Variants in ARHGAP42 observed in about 807,000 individuals in gnomAD.
ARHGAP42 encodes Rho GTPase activating protein 42, also known as rho GTPase-activating protein 42.
ARHGAP42 carries 63 observed loss-of-function variants against 125.0 expected under a neutral mutation model. The ratio of observed to expected loss-of-function variants is 0.50; its 90% CI spans 0.41 to 0.62. The LOEUF is 0.62. ARHGAP42 is among the 20% of genes least tolerant of loss of function. The pLI, the probability that ARHGAP42 is intolerant of heterozygous loss-of-function variation, is 0.00. For missense variants in ARHGAP42, 766 were observed against 1,024.2 expected (o/e 0.75, Z 3.44); for synonymous variants, 339 against 351.0 (o/e 0.97, Z 0.38).
At chr11:100,939,595 A>G (rs888679060) in intron 8 of ARHGAP42, among the ~76,000 whole-genome samples, 6 of 152,286 alleles carry the variant, frequency 3.9e-5, no homozygotes, top group Non-Finnish European at 5.9e-5. Context: ...GTATTCGATG[A>G]ATGTTAATTC....
At chr11:100,932,431 AACGTTCCAT>A (rs1228814535) in intron 6 of ARHGAP42, among the ~76,000 whole-genome samples, 6 of 152,136 alleles carry the variant, frequency 3.9e-5, no homozygotes, top group African/African-American at 1.4e-4. Context: ...TTTCCAATAT[AACGTTCCAT>A]ATAACCTGTG....
At chr11:100,847,527 G>A (rs1053870385) in intron 3 of ARHGAP42, among the ~76,000 whole-genome samples, 7 of 152,168 alleles carry the variant, frequency 4.6e-5, no homozygotes, top group Non-Finnish European at 1.0e-4. Context: ...ACGCTGGGGA[G>A]TGAAATACTG....
chr11:100,850,744 C>G (rs530140521), intron 3 of ARHGAP42, among the ~76,000 whole-genome samples: 95 of 152,144 alleles, frequency 6.2e-4, no homozygotes, highest in Middle Eastern at 3.4e-3. Flanking sequence ...CTTCTTTATA[C>G]TTAAACTTAA....
chr11:100,751,277 GTGT>G (rs1473849993), intron 1 of ARHGAP42, among the ~76,000 whole-genome samples: 35 of 121,670 alleles, frequency 2.9e-4, no homozygotes, highest in East Asian at 6.9e-4. Flanking sequence ...GTGTGTGTGT[GTGT>G]TTTTTTTTTT....
intron 18 of ARHGAP42, 46 bp from the exon 19 acceptor site, chr11:100,974,413 C>T (rs1220278687): frequency 1.3e-6 from 2 of 1,521,556 alleles, no homozygotes; most frequent in East Asian, 2.5e-5. Flanking sequence ...ATGAAAGTGG[C>T]AATATCACCC....
At chr11:100,763,519 G>C (rs893193813) in intron 1 of ARHGAP42, among the ~76,000 whole-genome samples, 1 of 152,096 alleles carries the variant, frequency 6.6e-6, no homozygotes, top group African/African-American at 2.4e-5. Context: ...ACAGAGTCTT[G>C]CTGTGTCTCC....
intron 6 of ARHGAP42, among the ~76,000 whole-genome samples, chr11:100,931,735 C>G (rs768588329): frequency 1.3e-5 from 2 of 152,136 alleles, no homozygotes; most frequent in Non-Finnish European, 2.9e-5. Context: ...TTTCTTTTCT[C>G]TCTGAAAGGC....
At chr11:100,779,602 GTACT>G (rs1389305819) in intron 2 of ARHGAP42, among the ~76,000 whole-genome samples, 5 of 81,134 alleles carry the variant, frequency 6.2e-5, no homozygotes, top group South Asian at 6.5e-4. Context: ...GTATATATAT[GTACT>G]TACTTGAATA....
At chr11:100,954,031 C>CCT (rs1251647714) in intron 12 of ARHGAP42, among the ~76,000 whole-genome samples, 1 of 86,308 alleles carries the variant, frequency 1.2e-5, no homozygotes, top group African/African-American at 4.3e-5. Flanking sequence ...TTATGACATA[C>CCT]CTTTCCTGCC....
At chr11:100,818,258 C>G (rs1203056472) in intron 3 of ARHGAP42, among the ~76,000 whole-genome samples, 4 of 151,834 alleles carry the variant, frequency 2.6e-5, no homozygotes, top group Non-Finnish European at 5.9e-5. Flanking sequence ...ATTATTCACC[C>G]ATTATCCTTA....
chr11:100,805,063 G>T (rs950789158), intron 3 of ARHGAP42, among the ~76,000 whole-genome samples: 3 of 152,206 alleles, frequency 2.0e-5, no homozygotes, highest in Admixed American at 6.5e-5. Context: ...TGCTGCAGTT[G>T]CTTCATGTGT....
chr11:100,859,499 ATGT>A, intron 3 of ARHGAP42, 52 bp from the exon 4 acceptor site: 1 of 1,436,744 alleles, frequency 7.0e-7, no homozygotes. Flanking sequence ...CATTTTTTCA[ATGT>A]TGTTGGCATG....
intron 6 of ARHGAP42, among the ~76,000 whole-genome samples, chr11:100,924,378 A>G (rs1173728040): frequency 2.6e-5 from 4 of 152,056 alleles, no homozygotes; most frequent in Non-Finnish European, 5.9e-5. Flanking sequence ...TTAAGAATAA[A>G]TATTCTGGCT....
chr11:100,756,757 C>T (rs1372099794), intron 1 of ARHGAP42, among the ~76,000 whole-genome samples: 1 of 152,150 alleles, frequency 6.6e-6, no homozygotes, highest in Admixed American at 6.5e-5. Flanking sequence ...AGTTGGAATT[C>T]CTCAGTTCTG....
At chr11:100,817,835 T>G (rs1864305216) in intron 3 of ARHGAP42, among the ~76,000 whole-genome samples, 1 of 152,188 alleles carries the variant, frequency 6.6e-6, no homozygotes, top group South Asian at 2.1e-4. Flanking sequence ...AGAAGATTAC[T>G]CAGCTATCTC....
chr11:100,859,164 G>C (rs954153506), intron 3 of ARHGAP42, among the ~76,000 whole-genome samples: 1 of 151,954 alleles, frequency 6.6e-6, no homozygotes, highest in Non-Finnish European at 1.5e-5. Flanking sequence ...ATGGAAAAAT[G>C]GAAGAGCTTT....
chr11:100,812,209 C>T (rs1284274850), intron 3 of ARHGAP42, among the ~76,000 whole-genome samples: 1 of 152,164 alleles, frequency 6.6e-6, no homozygotes, highest in Non-Finnish European at 1.5e-5. Context: ...AAGCTGTAAA[C>T]TGTAGGATTT....
Position 100,992,699 on chromosome 11 carries a change from T to A in ARHGAP42, c.*3898T>A. ...TGGGAAAATGCAGGTTTATGAATGA[T>A]GTGGACTTTTAGAGGATCAAATCAA... On this transcript the variant is annotated 3_prime_UTR_variant, in exon 24 of 24. Coordinates refer to ENST00000298815, the MANE Select transcript of ARHGAP42 (RefSeq NM_152432.4). The A allele has an allele frequency of 6.4e-7, 1 of 1,573,514 alleles. No individual in the cohort carries two copies. The highest frequency in any genetic ancestry group is 8.6e-7 in the Non-Finnish European group (1 of 1,161,696).
At chr11:100,716,740 A>C (rs1861667183) in intron 1 of ARHGAP42, among the ~76,000 whole-genome samples, 1 of 152,174 alleles carries the variant, frequency 6.6e-6, no homozygotes, top group African/African-American at 2.4e-5. Context: ...ATTAATTAAA[A>C]ATATTTTTTT....
Sources: allele counts gnomAD v4.1 joint callset (sites outside exome capture counted in the v4.1 genomes callset), GRCh38; gene constraint gnomAD v4.1.1; transcripts MANE v1.5; gene names NCBI Gene and HGNC (gene_info 2026-07-23, HGNC 2026-07-21).